Variants in ST6GALNAC3 observed in about 807,000 individuals in gnomAD.
The protein encoded by ST6GALNAC3 is ST6 N-acetylgalactosaminide alpha-2,6-sialyltransferase 3.
ST6GALNAC3 carries 25 observed loss-of-function variants against 32.7 expected under a neutral mutation model. The observed-to-expected ratio is 0.76, with a 90% confidence interval of 0.56 to 1.07. The LOEUF (loss-of-function observed/expected upper bound fraction) is 1.07, where lower values mean the gene tolerates loss of function less well. Among genes scored for constraint, ST6GALNAC3 ranks in the 50% least tolerant of loss-of-function variants. The probability of loss-of-function intolerance (pLI) is 0.00; values close to 1 mark genes in which losing one functional copy is unlikely to be tolerated. For missense variants in ST6GALNAC3, 355 were observed against 382.4 expected (o/e 0.93, Z 0.60); for synonymous variants, 129 against 133.1 (o/e 0.97, Z 0.21).
chr1:76,359,159 T>C (rs1022862244), intron 2 of ST6GALNAC3, among the ~76,000 whole-genome samples: 1 of 152,194 alleles, frequency 6.6e-6, no homozygotes, highest in Non-Finnish European at 1.5e-5. Context: ...TTGGATATTA[T>C]CCTGAAGACA....
chr1:76,319,824 T>C (rs950862615), intron 2 of ST6GALNAC3, among the ~76,000 whole-genome samples: 15 of 152,214 alleles, frequency 9.9e-5, no homozygotes, highest in African/African-American at 3.1e-4. Context: ...ACCCTCCTCA[T>C]TGATTTCATC....
rs924567733 is a variant in ST6GALNAC3, at chr1:76,165,937, C to T, written c.18+91053C>T. Among the ~76,000 whole-genome samples the T allele has an allele frequency of 5.9e-5, 9 of 152,184 alleles. No homozygotes were observed. In the South Asian group the frequency reaches 6.2e-4, roughly 11 times the overall value. The stretch of plus-strand genomic sequence containing the variant: ...ACCTTTGTCAGATGCATAGTTTGCA[C>T]AAATTTCCTCCCATTCTGTAGGTTG... On this transcript the variant is annotated intron_variant, in intron 1 of 4. Coordinates refer to ENST00000328299, the MANE Select transcript of ST6GALNAC3 (RefSeq NM_152996.4).
intron 1 of ST6GALNAC3, among the ~76,000 whole-genome samples, chr1:76,116,640 G>A (rs1333891848): frequency 5.3e-5 from 8 of 152,102 alleles, no homozygotes; most frequent in Non-Finnish European, 8.8e-5. Flanking sequence ...AGTATTTAAA[G>A]TAAAATCTGG....
intron 1 of ST6GALNAC3, among the ~76,000 whole-genome samples, chr1:76,174,549 A>G (rs1652725531): frequency 6.6e-6 from 1 of 151,378 alleles, no homozygotes. Context: ...CTACCTACCT[A>G]TCTGTCTACC....
In ST6GALNAC3 at chr1:76,400,020, C is replaced by CT. The variant is rs145416882; in HGVS notation, c.214-11981dup. Among the ~76,000 whole-genome samples the CT allele has an allele frequency of 1.9e-3, 282 of 152,120 alleles. 9 individuals carry two copies. In the East Asian group the frequency reaches 0.042, roughly 23 times the overall value. ...TTTTGTTTCTTCTTCAATCTTCAAA[C>CT]TTTTTTTATTTTTTCATGACCTCAG... On this transcript the variant is annotated intron_variant, in intron 2 of 4. Coordinates refer to ENST00000328299, the MANE Select transcript of ST6GALNAC3 (RefSeq NM_152996.4).
intron 1 of ST6GALNAC3, among the ~76,000 whole-genome samples, chr1:76,235,374 G>T (rs969005049): frequency 3.3e-5 from 5 of 152,104 alleles, no homozygotes; most frequent in African/African-American, 1.2e-4. Context: ...ACGCGTGGTG[G>T]TGCCTGCCTG....
intron 1 of ST6GALNAC3, among the ~76,000 whole-genome samples, chr1:76,178,611 C>G (rs1306942137): frequency 6.6e-6 from 1 of 152,098 alleles, no homozygotes; most frequent in Non-Finnish European, 1.5e-5. Context: ...ATGAAAACTA[C>G]TGATCAAGAT....
chr1:76,374,566 T>G (rs1046737447), intron 2 of ST6GALNAC3, among the ~76,000 whole-genome samples: 1 of 152,238 alleles, frequency 6.6e-6, no homozygotes, highest in Admixed American at 6.5e-5. Context: ...ATATCGTAGA[T>G]TCTTTAAGAA....
intron 1 of ST6GALNAC3, among the ~76,000 whole-genome samples, chr1:76,112,261 T>C (rs1571177002): frequency 8.6e-6 from 1 of 116,750 alleles, no homozygotes; most frequent in Non-Finnish European, 1.8e-5. Flanking sequence ...CCCCACCTCC[T>C]TCCTGGACAG....
intron 1 of ST6GALNAC3, among the ~76,000 whole-genome samples, chr1:76,163,411 G>A (rs1651930815): frequency 6.6e-6 from 1 of 152,146 alleles, no homozygotes; most frequent in Non-Finnish European, 1.5e-5. Flanking sequence ...TGTACCCTGG[G>A]CAGTGTTGGG....
chr1:76,579,262 A>G (rs1345886116), intron 3 of ST6GALNAC3, among the ~76,000 whole-genome samples: 1 of 152,066 alleles, frequency 6.6e-6, no homozygotes, highest in Non-Finnish European at 1.5e-5. Context: ...CCAGCTCCAG[A>G]AAATACCAAC....
chr1:76,358,225 A>G (rs1294934954), intron 2 of ST6GALNAC3, among the ~76,000 whole-genome samples: 1 of 152,100 alleles, frequency 6.6e-6, no homozygotes, highest in East Asian at 1.9e-4. Context: ...TGTGGCTTCA[A>G]TTTTAACCTA....
At chr1:76,226,114 A>C (rs578032516) in intron 1 of ST6GALNAC3, among the ~76,000 whole-genome samples, 154 of 152,268 alleles carry the variant, frequency 1.0e-3, no homozygotes, top group African/African-American at 3.6e-3. Flanking sequence ...AGTGAAAGTA[A>C]ATCAATTGCA....
intron 1 of ST6GALNAC3, 69 bp from the exon 2 acceptor site, chr1:76,313,736 A>G (rs1646812820): frequency 1.4e-6 from 2 of 1,422,398 alleles, no homozygotes; most frequent in East Asian, 4.6e-5. Context: ...GAATAAAGGA[A>G]CCTCCTTCTG....
intron 3 of ST6GALNAC3, among the ~76,000 whole-genome samples, chr1:76,496,375 C>T (rs138730695): frequency 2.0e-5 from 3 of 152,206 alleles, no homozygotes; most frequent in African/African-American, 7.2e-5. Flanking sequence ...GAACCCATAC[C>T]GGGCATTCTG....
At chr1:76,330,082 C>T (rs367693031) in intron 2 of ST6GALNAC3, among the ~76,000 whole-genome samples, 7 of 152,122 alleles carry the variant, frequency 4.6e-5, no homozygotes, top group African/African-American at 1.7e-4. Flanking sequence ...GGATTACAAG[C>T]GTAAGCCACC....
At chr1:76,530,001 C>T (rs1663154857) in intron 3 of ST6GALNAC3, among the ~76,000 whole-genome samples, 1 of 152,188 alleles carries the variant, frequency 6.6e-6, no homozygotes, top group African/African-American at 2.4e-5. Flanking sequence ...TGGTTTCACC[C>T]TCTGAGAGCG....
chr1:76,569,250 A>G (rs772103111), intron 3 of ST6GALNAC3, among the ~76,000 whole-genome samples: 9 of 152,208 alleles, frequency 5.9e-5, no homozygotes, highest in South Asian at 4.1e-4. Context: ...TTTTCTTTCC[A>G]AGACATATTT....
intron 2 of ST6GALNAC3, among the ~76,000 whole-genome samples, chr1:76,350,119 G>GT (rs536534126): frequency 1.9e-3 from 287 of 151,614 alleles, no homozygotes; most frequent in Middle Eastern, 6.8e-3. Flanking sequence ...ATTTCTGTTG[G>GT]TTTTTTTTCA....
Sources: allele counts gnomAD v4.1 joint callset (sites outside exome capture counted in the v4.1 genomes callset), GRCh38; gene constraint gnomAD v4.1.1; transcripts MANE v1.5; gene names NCBI Gene and HGNC (gene_info 2026-07-23, HGNC 2026-07-21).